Variants in DPPA2 observed in about 807,000 individuals in gnomAD.
DPPA2 encodes developmental pluripotency associated 2.
In DPPA2, 26 loss-of-function variants were observed where a neutral mutation model predicts 36.2. That is an observed-to-expected ratio of 0.72 (90% CI 0.53 to 1.00). The LOEUF is 1.00. DPPA2 is among the 50% of genes least tolerant of loss of function. The pLI, the probability that DPPA2 is intolerant of heterozygous loss-of-function variation, is 0.00. For missense variants in DPPA2, 361 were observed against 365.1 expected, an observed-to-expected ratio of 0.99 and a Z score of 0.09; for synonymous variants, 113 against 123.2, an observed-to-expected ratio of 0.92 and a Z score of 0.55.
At chr3:109,302,549 A>C (rs1707474271) in intron 7 of DPPA2, among the ~76,000 whole-genome samples, 1 of 151,850 alleles carries the variant, frequency 6.6e-6, no homozygotes, top group South Asian at 2.1e-4. Context: ...CGCCTCCCGT[A>C]TTCAAACGAT....
intron 8 of DPPA2, among the ~76,000 whole-genome samples, chr3:109,294,675 G>C (rs2107296658): frequency 6.6e-6 from 1 of 152,320 alleles, no homozygotes; most frequent in East Asian, 1.9e-4. Context: ...GCACAGAGCT[G>C]AGAACTAAGA....
At chr3:109,311,677 T>C (rs1576824692) in intron 3 of DPPA2, among the ~76,000 whole-genome samples, 1 of 148,632 alleles carries the variant, frequency 6.7e-6, no homozygotes, top group African/African-American at 2.5e-5. Context: ...GAGGCGGAGG[T>C]TGCAGTGAGC....
intron 6 of DPPA2, among the ~76,000 whole-genome samples, chr3:109,305,774 C>CAAAA (rs35410330): frequency 1.2e-5 from 1 of 83,578 alleles, no homozygotes; most frequent in Non-Finnish European, 2.5e-5. Context: ...AACTCCATCT[C>CAAAA]AAAAAAAAAA....
In DPPA2 at chr3:109,304,549, G is replaced by T; in HGVS notation, c.780C>A (p.Leu260=). The change falls in exon 7 of 9, where the codon CTC becomes CTA. Residue 260 remains leucine, a synonymous_variant. Coordinates refer to ENST00000478945, the MANE Select transcript of DPPA2 (RefSeq NM_138815.4). The stretch of plus-strand genomic sequence containing the variant: ...GGAAAATGCAGGCAGGTAACAAGAA[G>T]AGAGAAATCATCCTCCTGTGAGTGG... ...VPTTHRRMIS[L]FLLPACIFPS... is the part of the protein sequence containing the mutation. 6.2e-7 allele frequency: 1 copy of T among 1,614,108 alleles called. No homozygotes were observed.
chr3:109,304,523 G>T lies in DPPA2; in HGVS notation c.806C>A (p.Pro269Gln), dbSNP rs774256707. ...CATATTATCTTCTATGCCTGGGGAT[G>T]GGAAAATGCAGGCAGGTAACAAGAA... ...SLFLLPACIF[P>Q]SPGIEDNMLC... The change falls in exon 7 of 9, where the codon CCA (proline) becomes CAA (glutamine). Residue 269 changes from proline to glutamine, a missense_variant. Coordinates refer to ENST00000478945, the MANE Select transcript of DPPA2 (RefSeq NM_138815.4). 4.3e-6 allele frequency: 7 copies of T among 1,613,930 alleles called. No homozygotes were observed. In the South Asian group the frequency reaches 5.5e-5, roughly 13 times the overall value.
At chr3:109,297,247 G>A (rs150978038) in intron 8 of DPPA2, among the ~76,000 whole-genome samples, 56 of 152,200 alleles carry the variant, frequency 3.7e-4, no homozygotes, top group African/African-American at 1.3e-3. Context: ...ATACTGGCTG[G>A]GCACAGTGGC....
In DPPA2 at chr3:109,304,525, G is replaced by A; in HGVS notation, c.804C>T (p.Phe268=). The A allele has an allele frequency of 1.9e-6, 3 of 1,614,070 alleles. No homozygotes were observed. Among genetic ancestry groups the A allele is most frequent in the Non-Finnish European group, 2.5e-6 (3 of 1,180,022 alleles). The change falls in exon 7 of 9, where the codon TTC becomes TTT. Residue 268 remains phenylalanine (F), a synonymous_variant. Transcript: ENST00000478945. ...TATTATCTTCTATGCCTGGGGATGG[G>A]AAAATGCAGGCAGGTAACAAGAAGA... is the stretch of plus-strand genomic sequence containing the variant. ...ISLFLLPACI[F]PSPGIEDNML...
At position 109,312,703 on chromosome 3, in the gene DPPA2, A is replaced by C; in HGVS notation, c.34-11T>G. The C allele has an allele frequency of 6.2e-7, 1 of 1,612,490 alleles. No individual in the cohort carries two copies. Among genetic ancestry groups the C allele is most frequent in the South Asian group, 1.1e-5 (1 of 90,934 alleles). On this transcript the variant is annotated splice_polypyrimidine_tract_variant and intron_variant, in intron 2 of 8. Coordinates refer to ENST00000478945, the MANE Select transcript of DPPA2 (RefSeq NM_138815.4). ...CCCCTCCAAGAAATTCTGGAAAGAG[A>C]AGTCAGTCACTGATTTTCATTTGAT...
intron 1 of DPPA2, among the ~76,000 whole-genome samples, chr3:109,315,463 G>A (rs567200566): frequency 1.8e-4 from 27 of 152,292 alleles, no homozygotes; most frequent in Non-Finnish European, 3.4e-4. Context: ...AGTAACGAAG[G>A]CAGAAGGAAC....
At chr3:109,303,512 G>A (rs1320022885) in intron 7 of DPPA2, among the ~76,000 whole-genome samples, 1 of 151,970 alleles carries the variant, frequency 6.6e-6, no homozygotes, top group African/African-American at 2.4e-5. Flanking sequence ...TGGGATTACA[G>A]GCATGTGCCA....
intron 8 of DPPA2, among the ~76,000 whole-genome samples, chr3:109,296,982 T>C (rs1707363479): frequency 6.6e-6 from 1 of 151,896 alleles, no homozygotes; most frequent in South Asian, 2.1e-4. Flanking sequence ...CCCAGTAGGA[T>C]ACTGAGGTGG....
At chr3:109,314,004 T>C (rs1431504355) in intron 2 of DPPA2, among the ~76,000 whole-genome samples, 2 of 152,144 alleles carry the variant, frequency 1.3e-5, no homozygotes, top group African/African-American at 4.8e-5. Flanking sequence ...AAGCCTAATC[T>C]TGAAACTCAT....
chr3:109,302,262 ATAGATTC>A (rs1215352014), intron 7 of DPPA2, among the ~76,000 whole-genome samples: 1 of 152,194 alleles, frequency 6.6e-6, no homozygotes, highest in Non-Finnish European at 1.5e-5. Context: ...CCCAAACACC[ATAGATTC>A]TTCTCCACTG....
intron 1 of DPPA2, among the ~76,000 whole-genome samples, chr3:109,314,833 G>A (rs549366976): frequency 4.4e-4 from 67 of 152,140 alleles, no homozygotes; most frequent in Non-Finnish European, 5.4e-4. Context: ...GAGGCCCAGG[G>A]GGGGCGGATC....
chr3:109,309,415 C>T (rs1042584728), intron 3 of DPPA2, 85 bp from the exon 4 acceptor site: 46 of 1,476,854 alleles, frequency 3.1e-5, no homozygotes, highest in South Asian at 1.7e-4. Context: ...GGGTCGGGCA[C>T]GGTGGCTCAC....
intron 2 of DPPA2, among the ~76,000 whole-genome samples, chr3:109,314,142 A>C (rs193052565): frequency 6.6e-6 from 1 of 152,258 alleles, no homozygotes; most frequent in East Asian, 1.9e-4. Flanking sequence ...TTTAAAAAAA[A>C]ACTTATTTTT....
chr3:109,295,063 T>C (rs1039650655), intron 8 of DPPA2, among the ~76,000 whole-genome samples: 2 of 152,174 alleles, frequency 1.3e-5, no homozygotes, highest in African/African-American at 4.8e-5. Flanking sequence ...TAGTTTTTGA[T>C]ACAAATGTCA....
At position 109,316,012 on chromosome 3, in the gene DPPA2, G is replaced by A. The variant is rs79004371; in HGVS notation, c.-14+272C>T. On this transcript the variant is annotated intron_variant, in intron 1 of 8. Transcript: ENST00000478945. ...GACATCCTGAATCAGATCATGGAGGGTGAGGCTGAGGGGCTGAGGAATCTG... is the reference window on the plus strand; with the variant it reads ...GACATCCTGAATCAGATCATGGAGGATGAGGCTGAGGGGCTGAGGAATCTG... Among the ~76,000 whole-genome samples the A allele has an allele frequency of 2.7e-3, 413 of 152,320 alleles. 1 individual carries two copies. The highest frequency in any genetic ancestry group is 9.2e-3 in the African/African-American group (384 of 41,570).
chr3:109,298,111 GT>G (rs1707385174), intron 8 of DPPA2, among the ~76,000 whole-genome samples: 1 of 151,922 alleles, frequency 6.6e-6, no homozygotes, highest in South Asian at 2.1e-4. Context: ...AAGATCTATG[GT>G]TTCCAGTGTA....
Sources: gnomAD v4.1 joint callset for allele counts (sites outside exome capture counted in the v4.1 genomes callset) on GRCh38, gnomAD v4.1.1 for gene constraint, MANE v1.5 for transcripts, NCBI Gene and HGNC (gene_info 2026-07-23, HGNC 2026-07-21) for gene names.